COL28A1: variants seen among roughly 807,000 people sequenced by gnomAD.
The protein encoded by COL28A1 is collagen alpha-1(XXVIII) chain.
In COL28A1, 161 loss-of-function variants were observed where a neutral mutation model predicts 150.2. The ratio of observed to expected loss-of-function variants is 1.07; its 90% confidence interval spans 0.94 to 1.22. The LOEUF (loss-of-function observed/expected upper bound fraction) is 1.22, where lower values mean the gene tolerates loss of function less well. Ranked by LOEUF, COL28A1 falls within the 50% of genes most tolerant of loss-of-function variation. COL28A1 has a pLI of 0.00. For missense variants in COL28A1, 1,617 were observed against 1,388.3 expected, an observed-to-expected ratio of 1.16 and a Z score of -2.62; for synonymous variants, 552 against 469.7, an observed-to-expected ratio of 1.18 and a Z score of -2.26.
chr7:7,338,837 G>A, the COL28A1 span, among the ~76,000 whole-genome samples: 188 of 152,258 alleles, frequency 1.2e-3, no homozygotes, highest in African/African-American at 4.4e-3. Context: ...TTGGCCAGCA[G>A]GCTGTGACAG....
intron 27 of COL28A1, among the ~76,000 whole-genome samples, chr7:7,399,072 A>T (rs1027837101): frequency 6.6e-6 from 1 of 152,110 alleles, no homozygotes; most frequent in African/African-American, 2.4e-5. Context: ...GTGTAACTTC[A>T]TATCTACTTT....
intron 27 of COL28A1, among the ~76,000 whole-genome samples, chr7:7,398,484 T>C (rs1782974582): frequency 6.6e-6 from 1 of 152,228 alleles, no homozygotes; most frequent in South Asian, 2.1e-4. Flanking sequence ...CTCACAATTT[T>C]GATTTTCTAT....
intron 24 of COL28A1, 42 bp downstream of exon 24, chr7:7,432,590 C>A (rs745652992): frequency 6.2e-7 from 1 of 1,611,024 alleles, no homozygotes; most frequent in Non-Finnish European, 8.5e-7. Flanking sequence ...TAGTATGCAA[C>A]ACTCAAAAAG....
intron 18 of COL28A1, among the ~76,000 whole-genome samples, chr7:7,450,209 GTTTA>G (rs971895916): frequency 6.6e-6 from 1 of 152,010 alleles, no homozygotes; most frequent in African/African-American, 2.4e-5. Flanking sequence ...TGGGGTACTT[GTTTA>G]TTTATAGTAA....
intron 13 of COL28A1, among the ~76,000 whole-genome samples, chr7:7,487,096 C>T (rs561825084): frequency 1.1e-4 from 17 of 151,870 alleles, no homozygotes; most frequent in South Asian, 8.3e-4. Context: ...GTCTACCTGG[C>T]GGAGGTTTAC....
At chr7:7,353,304 A>T (rs561944238), downstream of COL28A1, among the ~76,000 whole-genome samples, 1 of 152,302 alleles carries the variant, frequency 6.6e-6, no homozygotes, top group East Asian at 1.9e-4. Flanking sequence ...ACCCAGAGAC[A>T]TCTACATAAT....
chr7:7,375,512 G>A lies in COL28A1; in HGVS notation c.2323-15C>T, dbSNP rs756499255. 1 of 1,487,034 alleles carries A rather than the reference G, an allele frequency of 6.7e-7. No individual in the cohort carries two copies. The highest frequency in any genetic ancestry group is 9.3e-7 in the Non-Finnish European group (1 of 1,076,040). The allele number at this position is 1,487,034 out of a possible 1,614,324, so 92.1% of individuals were successfully genotyped here. ...ATTTCTTCTTTCTAGGGGATAAAAAGAAAAATGTATTACTATATGTATGAC... is the reference window on the plus strand; with the variant it reads ...ATTTCTTCTTTCTAGGGGATAAAAAAAAAAATGTATTACTATATGTATGAC... On this transcript the variant is annotated splice_polypyrimidine_tract_variant and intron_variant, in intron 30 of 34. Coordinates refer to ENST00000399429, the MANE Select transcript of COL28A1 (RefSeq NM_001037763.3).
At chr7:7,400,609 T>C (rs1465153933) in intron 27 of COL28A1, among the ~76,000 whole-genome samples, 1 of 152,104 alleles carries the variant, frequency 6.6e-6, no homozygotes, top group East Asian at 1.9e-4. Flanking sequence ...TAGCAACTCC[T>C]TCCTCTTTGG....
intron 5 of COL28A1, among the ~76,000 whole-genome samples, chr7:7,521,010 G>A (rs556190945): frequency 8.5e-5 from 13 of 152,054 alleles, no homozygotes; most frequent in Non-Finnish European, 1.2e-4. Flanking sequence ...CTTTGGACCC[G>A]AGTCTCAAGG....
At chr7:7,456,194 T>C in intron 15 of COL28A1, 82 bp from the exon 16 acceptor site, 14 of 1,500,358 alleles carry the variant, frequency 9.3e-6, no homozygotes, top group Non-Finnish European at 1.2e-5. Context: ...AATTGGGCTG[T>C]GTTAAAATCT....
chr7:7,391,015 T>A (rs1299912), intron 27 of COL28A1, among the ~76,000 whole-genome samples: 136,109 of 152,124 alleles, frequency 0.89, 61,006 homozygotes, highest in East Asian at 1. Flanking sequence ...CTTGTCTTCT[T>A]CTAGCTTTTG....
chr7:7,343,762 T>A, the COL28A1 span, among the ~76,000 whole-genome samples: 1 of 151,974 alleles, frequency 6.6e-6, no homozygotes. Flanking sequence ...AATCCCAGCA[T>A]TTTGGGAAGC....
At chr7:7,420,786 GTA>G (rs896538407) in intron 25 of COL28A1, among the ~76,000 whole-genome samples, 2 of 152,176 alleles carry the variant, frequency 1.3e-5, no homozygotes, top group Non-Finnish European at 2.9e-5. Context: ...TAGGCACTTG[GTA>G]TATGTCAGCT....
At chr7:7,412,200 C>A (rs967015131) in intron 27 of COL28A1, among the ~76,000 whole-genome samples, 5 of 152,058 alleles carry the variant, frequency 3.3e-5, no homozygotes, top group African/African-American at 1.2e-4. Context: ...AGCAGGTATA[C>A]CCCTTCTACA....
chr7:7,453,882 G>A (rs919620974), intron 16 of COL28A1, among the ~76,000 whole-genome samples: 1 of 150,650 alleles, frequency 6.6e-6, no homozygotes, highest in Non-Finnish European at 1.5e-5. Flanking sequence ...TCAGTAGCTG[G>A]AATTAAGAGA....
intron 14 of COL28A1, among the ~76,000 whole-genome samples, chr7:7,475,099 G>T (rs1420980338): frequency 6.6e-6 from 1 of 152,024 alleles, no homozygotes; most frequent in Non-Finnish European, 1.5e-5. Context: ...GCTAGGATTA[G>T]ATTATTACCT....
chr7:7,525,828 C>T (rs1489659033), intron 3 of COL28A1, among the ~76,000 whole-genome samples: 1 of 152,196 alleles, frequency 6.6e-6, no homozygotes, highest in Non-Finnish European at 1.5e-5. Flanking sequence ...ACAAGTCATA[C>T]AATCCTTCCA....
intron 31 of COL28A1, among the ~76,000 whole-genome samples, chr7:7,374,525 G>A (rs532522911): frequency 1.2e-4 from 18 of 152,162 alleles, no homozygotes; most frequent in Admixed American, 2.6e-4. Context: ...AGTAATCCCC[G>A]AGAACACTAG....
chr7:7,518,728 G>A (rs1001624338), intron 6 of COL28A1, among the ~76,000 whole-genome samples: 1 of 152,070 alleles, frequency 6.6e-6, no homozygotes, highest in Non-Finnish European at 1.5e-5. Flanking sequence ...TGAAAGAAAT[G>A]TTTTTAAACG....
Sources: allele counts gnomAD v4.1 joint callset (sites outside exome capture counted in the v4.1 genomes callset), GRCh38; gene constraint gnomAD v4.1.1; transcripts MANE v1.5; gene names NCBI Gene and HGNC (gene_info 2026-07-23, HGNC 2026-07-21).